Variants in FHAD1 observed in about 807,000 individuals in gnomAD.
FHAD1 encodes the protein forkhead associated phosphopeptide binding domain 1.
In FHAD1, 146 loss-of-function variants were observed where a neutral mutation model predicts 191.3. The ratio of observed to expected loss-of-function variants is 0.76; its 90% CI spans 0.67 to 0.88. FHAD1 has a LOEUF of 0.88. FHAD1 is among the 40% of genes least tolerant of loss of function. The pLI, the probability that FHAD1 is intolerant of heterozygous loss-of-function variation, is 0.00. For synonymous variants in FHAD1, 616 were observed against 672.3 expected (o/e 0.92, Z 1.29); for missense variants, 1,635 against 1,785.8 (o/e 0.92, Z 1.52).
At chr1:15,309,981 AG>A in intron 7 of FHAD1, among the ~76,000 whole-genome samples, 1 of 152,202 alleles carries the variant, frequency 6.6e-6, no homozygotes, top group East Asian at 1.9e-4. Flanking sequence ...TGGTGGGGTC[AG>A]GGGGGAGGCA....
intron 10 of FHAD1, 71 bp downstream of exon 10, chr1:15,317,999 T>A: frequency 9.3e-6 from 9 of 972,530 alleles, no homozygotes; most frequent in Non-Finnish European, 1.4e-5. Flanking sequence ...CTGTTAGTCC[T>A]CTAAGTGGAC....
At chr1:15,292,989 G>T (rs891434629) in intron 4 of FHAD1, among the ~76,000 whole-genome samples, 1 of 152,176 alleles carries the variant, frequency 6.6e-6, no homozygotes, top group Non-Finnish European at 1.5e-5. Context: ...GAGCCCCCTA[G>T]TCTGTGGTAT....
At chr1:15,246,341 T>C (rs1646029078), upstream of FHAD1, among the ~76,000 whole-genome samples, 2 of 152,158 alleles carry the variant, frequency 1.3e-5, no homozygotes, top group African/African-American at 2.4e-5. Context: ...ACCGTATCAC[T>C]AGGGTAGAAT....
At position 15,352,870 on chromosome 1, in the gene FHAD1, C is replaced by T. The variant is rs1691366161; in HGVS notation, c.2455-7C>T. The T allele has an allele frequency of 6.5e-7, 1 of 1,549,644 alleles. No individual in the cohort carries two copies. The highest frequency in any genetic ancestry group is 1.4e-5 in the African/African-American group (1 of 73,030). ...CAGGCCCTCAAACCACTTTCATTGA[C>T]TTCCAGATCTCAGAGAGCAACATTG... On this transcript the variant is annotated splice_region_variant and splice_polypyrimidine_tract_variant and intron_variant, in intron 19 of 33. Coordinates refer to ENST00000688493, the MANE Select transcript of FHAD1 (RefSeq NM_001391957.1).
chr1:15,338,617 T>C (rs903983361), intron 14 of FHAD1, among the ~76,000 whole-genome samples: 1 of 152,156 alleles, frequency 6.6e-6, no homozygotes, highest in African/African-American at 2.4e-5. Context: ...GGGGTCATCA[T>C]TCAGCCCCGC....
intron 2 of FHAD1, among the ~76,000 whole-genome samples, chr1:15,255,197 C>T (rs546877844): frequency 4.0e-5 from 6 of 151,518 alleles, no homozygotes; most frequent in Admixed American, 2.6e-4. Flanking sequence ...TTGGATAAAT[C>T]CTAAAGAGTA....
In FHAD1 at chr1:15,382,128, C is replaced by G; in HGVS notation, c.4123C>G (p.Leu1375Val). Reference sequence around the variant, plus strand: ...AGAGAAGGCCCTGCTGAAGGAGGCCCTGGAGCGCATGGAGCACCAGCTGTG... The same window carrying G: ...AGAGAAGGCCCTGCTGAAGGAGGCCGTGGAGCGCATGGAGCACCAGCTGTG... ...AEEKALLKEA[L>V]ERMEHQLCQE... The change falls in exon 31 of 34, where the codon CTG becomes GTG. Residue 1375 changes from leucine (L) to valine (V), a missense_variant. Coordinates refer to ENST00000688493, the MANE Select transcript of FHAD1 (RefSeq NM_001391957.1). 1 of 1,552,116 alleles carries G rather than the reference C, an allele frequency of 6.4e-7. No individual in the cohort carries two copies. The highest frequency in any genetic ancestry group is 1.2e-5 in the South Asian group (1 of 84,060).
At chr1:15,347,155 G>A (rs1413663400) in intron 18 of FHAD1, among the ~76,000 whole-genome samples, 4 of 152,232 alleles carry the variant, frequency 2.6e-5, no homozygotes, top group East Asian at 1.9e-4. Context: ...CTCACAGAGC[G>A]TCACTGAGGT....
intron 2 of FHAD1, among the ~76,000 whole-genome samples, chr1:15,253,123 C>T (rs920776011): frequency 6.7e-6 from 1 of 150,180 alleles, no homozygotes; most frequent in African/African-American, 2.5e-5. Context: ...ATAACAATAT[C>T]AAAACCAGGA....
At chr1:15,391,371 A>G (rs1704004688) in intron 33 of FHAD1, 108 bp downstream of exon 33, 2 of 595,706 alleles carry the variant, frequency 3.4e-6, no homozygotes, top group Non-Finnish European at 5.3e-6. Context: ...GCTGGAGTGC[A>G]GTGGCTAGTT....
intron 17 of FHAD1, 30 bp downstream of exon 17, chr1:15,345,220 C>T (rs1275537046): frequency 1.1e-5 from 17 of 1,520,492 alleles, no homozygotes; most frequent in East Asian, 2.5e-5. Context: ...AGAGTCAGCT[C>T]GAGCCCCACT....
intron 1 of FHAD1, among the ~76,000 whole-genome samples, chr1:15,236,950 G>A (rs191152527): frequency 6.3e-4 from 96 of 152,314 alleles, no homozygotes; most frequent in African/African-American, 2.2e-3. Context: ...TTGACAGTGA[G>A]TGAGTTCTTG....
In FHAD1 at chr1:15,381,342, C is replaced by T. The variant is rs1442023940; in HGVS notation, c.3913C>T (p.Arg1305Ter). 6.4e-6 allele frequency: 10 copies of T among 1,551,630 alleles called. No homozygotes were observed. The Admixed American group carries it at 1.6e-4, about 24-fold the overall frequency. ...GGAGAGGGAGAAGGTCAACCAGCTT[C>T]GACAAAGGGACCTCGACCTGGTGTT... The part of the protein sequence containing the change: ...RQEREKVNQL[R>*]QRDLDLVFDK... The change falls in exon 30 of 34, where the codon CGA (arginine) becomes TGA (stop). Residue 1305 changes from arginine to a stop codon, truncating the protein, a stop_gained. Coordinates refer to ENST00000688493, the MANE Select transcript of FHAD1 (RefSeq NM_001391957.1). LOFTEE classifies it high-confidence loss of function. This position sits in a 1 kb window ranked among gnomAD's most constrained non-coding sequence, Gnocchi z 4.6.
At chr1:15,386,066 G>A (rs1460956939) in intron 31 of FHAD1, among the ~76,000 whole-genome samples, 1 of 152,168 alleles carries the variant, frequency 6.6e-6, no homozygotes, top group Non-Finnish European at 1.5e-5. Flanking sequence ...ATAGGGCTTA[G>A]GGTTCAAGCC....
chr1:15,249,318 G>C (rs1646489818), intron 1 of FHAD1, among the ~76,000 whole-genome samples: 1 of 150,842 alleles, frequency 6.6e-6, no homozygotes, highest in African/African-American at 2.4e-5. Flanking sequence ...CAGTCATTCA[G>C]ATTTGGGGTT....
intron 3 of FHAD1, among the ~76,000 whole-genome samples, chr1:15,282,825 C>T (rs1046718072): frequency 6.6e-6 from 1 of 152,208 alleles, no homozygotes; most frequent in Non-Finnish European, 1.5e-5. Context: ...TTGTAACATT[C>T]CCTGATTTCT....
intron 15 of FHAD1, among the ~76,000 whole-genome samples, chr1:15,341,141 C>A (rs1181003377): frequency 6.6e-6 from 1 of 152,084 alleles, no homozygotes; most frequent in African/African-American, 2.4e-5. Context: ...AAGATTGTGC[C>A]CCTGCACTGC....
At position 15,271,230 on chromosome 1, in the gene FHAD1, T is replaced by C. The variant is rs189246570; in HGVS notation, c.94-1093T>C. ...CGGGAGGCTGAGGCAGAAGAATTCC[T>C]TGAACCCAGGAGGTGGAGGCTGCAG... On this transcript the variant is annotated intron_variant, in intron 2 of 33. Transcript: ENST00000688493. Among the ~76,000 whole-genome samples, 388 of 151,488 alleles carry C rather than the reference T, an allele frequency of 2.6e-3. 1 individual carries two copies. The highest frequency in any genetic ancestry group is 8.9e-3 in the African/African-American group (368 of 41,288).
intron 2 of FHAD1, among the ~76,000 whole-genome samples, chr1:15,259,781 C>T (rs1650132495): frequency 6.6e-6 from 1 of 152,246 alleles, no homozygotes; most frequent in African/African-American, 2.4e-5. Flanking sequence ...GATCCTGTCT[C>T]AGGTGTCGGG....
Sources: gnomAD v4.1 joint callset for allele counts (sites outside exome capture counted in the v4.1 genomes callset) on GRCh38, gnomAD v4.1.1 for gene constraint, Gnocchi (gnomAD v3.1) non-coding constraint, MANE v1.5 for transcripts, NCBI Gene and HGNC (gene_info 2026-07-23, HGNC 2026-07-21) for gene names.